Variants in MPPED2 observed in about 807,000 individuals in gnomAD.
The protein encoded by MPPED2 is metallophosphoesterase MPPED2.
MPPED2 carries 5 observed loss-of-function variants against 33.0 expected under a neutral mutation model. The observed-to-expected ratio is 0.15, with a 90% confidence interval of 0.08 to 0.32. The LOEUF is 0.32. Among genes scored for constraint, MPPED2 ranks in the 10% least tolerant of loss-of-function variants. The probability of loss-of-function intolerance (pLI) is 1.00; values close to 1 mark genes in which losing one functional copy is unlikely to be tolerated. For missense variants in MPPED2, 275 were observed against 372.1 expected (o/e 0.74, Z 2.15); for synonymous variants, 136 against 141.9 (o/e 0.96, Z 0.29).
chr11:30,579,315 C>G (rs1957065893), intron 2 of MPPED2, among the ~76,000 whole-genome samples: 1 of 152,034 alleles, frequency 6.6e-6, no homozygotes, highest in Non-Finnish European at 1.5e-5. Context: ...GTGGTAAAAA[C>G]AGTCAACAGA....
intron 4 of MPPED2, among the ~76,000 whole-genome samples, chr11:30,440,858 T>C (rs1246965993): frequency 6.6e-6 from 1 of 152,180 alleles, no homozygotes; most frequent in African/African-American, 2.4e-5. Context: ...CGCTAAGAAA[T>C]ACCATTACTA....
downstream of MPPED2, among the ~76,000 whole-genome samples, chr11:30,407,930 A>G (rs561200413): frequency 5.9e-5 from 9 of 152,166 alleles, no homozygotes; most frequent in Admixed American, 5.9e-4. Flanking sequence ...TATTTTTTTA[A>G]AAAGGTACAG....
At chr11:30,473,124 G>A (rs750341486) in intron 4 of MPPED2, among the ~76,000 whole-genome samples, 43 of 152,134 alleles carry the variant, frequency 2.8e-4, no homozygotes, top group African/African-American at 7.2e-4. Flanking sequence ...GTATTCTATC[G>A]TATGGACACA....
At chr11:30,398,965 A>C (rs1230334406) in intron 6 of MPPED2, among the ~76,000 whole-genome samples, 2 of 152,150 alleles carry the variant, frequency 1.3e-5, no homozygotes, top group Non-Finnish European at 2.9e-5. Context: ...GGACGATCAT[A>C]CATCTTATAA....
intron 4 of MPPED2, among the ~76,000 whole-genome samples, chr11:30,456,535 CA>C (rs1247492045): frequency 1.3e-5 from 2 of 151,968 alleles, no homozygotes; most frequent in East Asian, 1.9e-4. Flanking sequence ...TGTTTCTCCC[CA>C]ATCCTGTGTG....
At chr11:30,416,647 A>ATG (rs1478828838) in intron 5 of MPPED2, among the ~76,000 whole-genome samples, 1 of 152,070 alleles carries the variant, frequency 6.6e-6, no homozygotes, top group Admixed American at 6.6e-5. Context: ...ATATGTGTGT[A>ATG]TGTGTGTGTG....
intron 3 of MPPED2, among the ~76,000 whole-genome samples, chr11:30,503,620 A>T (rs1313476503): frequency 6.6e-6 from 1 of 152,210 alleles, no homozygotes; most frequent in East Asian, 1.9e-4. Flanking sequence ...TTCTTTGTGA[A>T]AGAGAGCCTC....
chr11:30,543,880 A>G (rs925029899), intron 2 of MPPED2, among the ~76,000 whole-genome samples: 8 of 151,338 alleles, frequency 5.3e-5, no homozygotes, highest in Admixed American at 4.0e-4. Flanking sequence ...ATGGTGCTGA[A>G]ACACAGTAAG....
chr11:30,408,056 A>G (rs1340772959), downstream of MPPED2, among the ~76,000 whole-genome samples: 1 of 152,160 alleles, frequency 6.6e-6, no homozygotes, highest in Non-Finnish European at 1.5e-5. Flanking sequence ...TATGGCACTT[A>G]GAACAACTTC....
At chr11:30,501,294 C>A (rs147383631) in intron 3 of MPPED2, among the ~76,000 whole-genome samples, 1 of 152,142 alleles carries the variant, frequency 6.6e-6, no homozygotes, top group South Asian at 2.1e-4. Flanking sequence ...CATCTGAAGA[C>A]GAAAAAGAAC....
At chr11:30,511,545 T>A (rs1270219282) in intron 3 of MPPED2, among the ~76,000 whole-genome samples, 1 of 152,184 alleles carries the variant, frequency 6.6e-6, no homozygotes, top group African/African-American at 2.4e-5. Flanking sequence ...TAAAGATAGC[T>A]AAGAAATAAA....
chr11:30,413,207 T>A (rs1018167406), intron 6 of MPPED2, among the ~76,000 whole-genome samples: 5 of 152,230 alleles, frequency 3.3e-5, no homozygotes, highest in African/African-American at 1.2e-4. Flanking sequence ...GCCACTGAAT[T>A]TGTGGGCTTT....
intron 3 of MPPED2, among the ~76,000 whole-genome samples, chr11:30,524,736 C>T (rs1236428623): frequency 6.6e-6 from 1 of 152,064 alleles, no homozygotes; most frequent in Non-Finnish European, 1.5e-5. Context: ...AAAATGTAGT[C>T]ATAGTTCCAG....
At chr11:30,411,892 T>C (rs1006685078) in intron 6 of MPPED2, among the ~76,000 whole-genome samples, 3 of 152,142 alleles carry the variant, frequency 2.0e-5, no homozygotes, top group Non-Finnish European at 4.4e-5. Context: ...TTCCTCCTTT[T>C]AAAATAGGAT....
chr11:30,581,642 A>G (rs1045788586), intron 1 of MPPED2, among the ~76,000 whole-genome samples: 1 of 152,262 alleles, frequency 6.6e-6, no homozygotes, highest in Non-Finnish European at 1.5e-5. Flanking sequence ...TAAAATTGGC[A>G]TGAAACACCT....
At chr11:30,477,941 CT>C (rs924550643) in intron 4 of MPPED2, among the ~76,000 whole-genome samples, 1 of 152,062 alleles carries the variant, frequency 6.6e-6, no homozygotes, top group Non-Finnish European at 1.5e-5. Flanking sequence ...TTAGCTCTCT[CT>C]TTTTTTCCCC....
intron 3 of MPPED2, among the ~76,000 whole-genome samples, chr11:30,526,136 G>A (rs1271654443): frequency 3.9e-5 from 6 of 152,148 alleles, no homozygotes; most frequent in African/African-American, 1.4e-4. Flanking sequence ...ATTATTCAAT[G>A]TAAAGAAAGA....
At chr11:30,480,653 G>A (rs1365514900) in intron 4 of MPPED2, among the ~76,000 whole-genome samples, 1 of 152,008 alleles carries the variant, frequency 6.6e-6, no homozygotes, top group African/African-American at 2.4e-5. Flanking sequence ...TTTTTTGGAG[G>A]GGGCAGCTAT....
chr11:30,542,740 T>C (rs1299081441), intron 2 of MPPED2, among the ~76,000 whole-genome samples: 1 of 152,206 alleles, frequency 6.6e-6, no homozygotes, highest in Non-Finnish European at 1.5e-5. Flanking sequence ...ACATAGTCCA[T>C]GCTCTGGAAA....
Sources: gnomAD v4.1 joint callset for allele counts (sites outside exome capture counted in the v4.1 genomes callset) on GRCh38, gnomAD v4.1.1 for gene constraint, MANE v1.5 for transcripts, NCBI Gene and HGNC (gene_info 2026-07-23, HGNC 2026-07-21) for gene names.